The following DISP1 variants were observed in gnomAD, a reference collection of about 807,000 sequenced individuals.
The protein encoded by DISP1 is protein dispatched homolog 1.
Under a neutral mutation model 37.3 loss-of-function variants are expected in DISP1, and 30 were observed. The observed-to-expected ratio is 0.80, with a 90% CI of 0.60 to 1.09. DISP1 has a LOEUF of 1.09. Ranked by LOEUF, DISP1 falls within the 50% of genes least tolerant of loss-of-function variation. DISP1 has a pLI of 0.00. For missense variants in DISP1, 1,598 were observed against 1,879.5 expected (o/e 0.85, Z 2.77); for synonymous variants, 634 against 690.2 (o/e 0.92, Z 1.28).
intron 1 of DISP1, among the ~76,000 whole-genome samples, chr1:222,839,793 C>T (rs1368607246): frequency 2.6e-5 from 4 of 151,962 alleles, no homozygotes; most frequent in Non-Finnish European, 5.9e-5. Flanking sequence ...ATTAGCTGGG[C>T]ATGGTGGCAT....
intron 1 of DISP1, among the ~76,000 whole-genome samples, chr1:222,885,477 T>G (rs1670541176): frequency 6.6e-6 from 1 of 150,868 alleles, no homozygotes; most frequent in African/African-American, 2.4e-5. Context: ...TTCTTTTTTT[T>G]TTTTTTTTTG....
intron 3 of DISP1, among the ~76,000 whole-genome samples, chr1:222,953,206 T>C (rs952668396): frequency 6.6e-6 from 1 of 152,240 alleles, no homozygotes; most frequent in Admixed American, 6.5e-5. Flanking sequence ...CTCTGTAAAA[T>C]GGGAGTAACA....
intron 1 of DISP1, among the ~76,000 whole-genome samples, chr1:222,859,246 C>T (rs900364262): frequency 6.6e-6 from 1 of 152,150 alleles, no homozygotes; most frequent in Admixed American, 6.6e-5. Context: ...AAACCAAACA[C>T]CGCATGTTCT....
At chr1:222,834,992 ATAAT>A (rs2125261749) in intron 1 of DISP1, 1 of 152,330 alleles carries the variant, frequency 6.6e-6, no homozygotes, top group African/African-American at 2.4e-5. Context: ...GGCTTAATGT[ATAAT>A]TATTTGTATA....
At position 222,901,418 on chromosome 1, in the gene DISP1, A is replaced by C. The variant is rs551419142; in HGVS notation, c.-158-27012A>C. On this transcript the variant is annotated intron_variant, in intron 1 of 8. Coordinates refer to ENST00000675850, the MANE Select transcript of DISP1 (RefSeq NM_001377229.1). ...GGCAATGGAATAATATCTTTAAAGT[A>C]CTGAGGGAAATAAGAGTAAGAGTGA... Among the ~76,000 whole-genome samples the C allele has an allele frequency of 5.9e-5, 9 of 152,332 alleles. No homozygotes were observed. In the South Asian group the frequency reaches 1.7e-3, roughly 28 times the overall value.
At chr1:223,002,300 A>T in intron 8 of DISP1, 85 bp from the exon 9 acceptor site, 1 of 1,244,008 alleles carries the variant, frequency 8.0e-7, no homozygotes, top group East Asian at 2.3e-5. Flanking sequence ...GTCCCTCAAG[A>T]TCACCTTAGT....
At chr1:222,985,767 A>G (rs1264927161) in intron 4 of DISP1, among the ~76,000 whole-genome samples, 1 of 152,206 alleles carries the variant, frequency 6.6e-6, no homozygotes, top group African/African-American at 2.4e-5. Flanking sequence ...GCAAGATCCA[A>G]GTCTGCCATT....
At chr1:222,888,131 AG>A (rs1342853969) in intron 1 of DISP1, among the ~76,000 whole-genome samples, 1 of 152,218 alleles carries the variant, frequency 6.6e-6, no homozygotes, top group Non-Finnish European at 1.5e-5. Context: ...GAACATTTCT[AG>A]GAGATGGTTT....
chr1:222,986,733 AACTTTTATAC>A (rs745497979), intron 4 of DISP1, among the ~76,000 whole-genome samples: 1 of 152,196 alleles, frequency 6.6e-6, no homozygotes, highest in Non-Finnish European at 1.5e-5. Context: ...AGATGATGTG[AACTTTTATAC>A]AGCAGTGCCC....
intron 1 of DISP1, among the ~76,000 whole-genome samples, chr1:222,819,515 T>TACACACAC (rs71175197): frequency 7.2e-6 from 1 of 139,254 alleles, no homozygotes; most frequent in Non-Finnish European, 1.5e-5. Flanking sequence ...GTTATATACA[T>TACACACAC]ACACACACAC....
chr1:222,827,994 GA>G (rs1664831937), intron 1 of DISP1, among the ~76,000 whole-genome samples: 2 of 152,168 alleles, frequency 1.3e-5, no homozygotes, highest in African/African-American at 4.8e-5. Flanking sequence ...TCAGTGTCAT[GA>G]AATGAAGAGG....
intron 1 of DISP1, among the ~76,000 whole-genome samples, chr1:222,901,291 G>A (rs934941122): frequency 2.6e-5 from 4 of 151,974 alleles, no homozygotes; most frequent in Non-Finnish European, 2.9e-5. Context: ...ATAGATATCT[G>A]AAAGAAAAAG....
Position 223,002,509 on chromosome 1 carries a change from T to C in DISP1, c.1112T>C (p.Val371Ala). The C allele has an allele frequency of 6.2e-7, 1 of 1,614,170 alleles. No individual in the cohort carries two copies. The highest frequency in any genetic ancestry group is 8.5e-7 in the Non-Finnish European group (1 of 1,180,028). The part of the protein sequence containing the change: ...LNNRSSCQKI[V>A]ERDVSHTLKL... The stretch of plus-strand genomic sequence containing the variant: ...AATAGATCGTCCTGTCAGAAAATAG[T>C]TGAGCGAGACGTTTCTCATACCTTG... The change falls in exon 9 of 9, where the codon GTT becomes GCT. Residue 371 changes from valine to alanine, a missense_variant. Physicochemically the swap from Val to Ala is moderately conservative, Grantham distance 64 (BLOSUM62 0). Transcript: ENST00000675850.
intron 1 of DISP1, among the ~76,000 whole-genome samples, chr1:222,826,280 GAAA>G (rs1664364238): frequency 6.7e-6 from 1 of 150,082 alleles, no homozygotes; most frequent in Non-Finnish European, 1.5e-5. Flanking sequence ...GTGTAGTGTA[GAAA>G]TATTCCATTA....
At chr1:222,839,124 A>G (rs747607087) in intron 1 of DISP1, among the ~76,000 whole-genome samples, 7 of 152,166 alleles carry the variant, frequency 4.6e-5, no homozygotes, top group Non-Finnish European at 8.8e-5. Flanking sequence ...CCCAGGTTGT[A>G]GACGGGTAAC....
chr1:222,997,574 C>A (rs1679165551), intron 8 of DISP1, among the ~76,000 whole-genome samples: 1 of 152,088 alleles, frequency 6.6e-6, no homozygotes, highest in South Asian at 2.1e-4. Flanking sequence ...GAGATCAAAG[C>A]AATGGAATCT....
intron 3 of DISP1, among the ~76,000 whole-genome samples, chr1:222,975,158 T>C (rs1055887730): frequency 2.0e-5 from 3 of 152,160 alleles, no homozygotes; most frequent in Admixed American, 6.5e-5. Flanking sequence ...CCTGAGTAGC[T>C]GGGACTACAG....
At chr1:222,835,711 G>T (rs1305053047) in intron 1 of DISP1, among the ~76,000 whole-genome samples, 1 of 152,128 alleles carries the variant, frequency 6.6e-6, no homozygotes, top group Non-Finnish European at 1.5e-5. Flanking sequence ...CAGCACTTTG[G>T]GAGGCCGAGG....
At chr1:222,911,246 G>A (rs1672191375) in intron 1 of DISP1, among the ~76,000 whole-genome samples, 1 of 152,126 alleles carries the variant, frequency 6.6e-6, no homozygotes, top group Non-Finnish European at 1.5e-5. Context: ...ACTGAATGAA[G>A]GCCAATTAGA....
Sources: allele counts gnomAD v4.1 joint callset (sites outside exome capture counted in the v4.1 genomes callset), GRCh38; gene constraint gnomAD v4.1.1; transcripts MANE v1.5; gene names NCBI Gene and HGNC (gene_info 2026-07-23, HGNC 2026-07-21).